The following PSD3 variants were observed in gnomAD, a reference collection of about 807,000 sequenced individuals.
PSD3 encodes the protein pleckstrin and Sec7 domain containing 3.
PSD3 carries 49 observed loss-of-function variants against 105.5 expected under a neutral mutation model. The ratio of observed to expected loss-of-function variants is 0.46; its 90% confidence interval spans 0.37 to 0.59. The LOEUF (loss-of-function observed/expected upper bound fraction) is 0.59, where lower values mean the gene tolerates loss of function less well. Ranked by LOEUF, PSD3 falls within the 20% of genes least tolerant of loss-of-function variation. The probability of loss-of-function intolerance (pLI) is 0.00; values close to 1 mark genes in which losing one functional copy is unlikely to be tolerated. For missense variants in PSD3, 1,561 were observed against 1,263.8 expected, an observed-to-expected ratio of 1.24 and a Z score of -3.57; for synonymous variants, 557 against 457.8, an observed-to-expected ratio of 1.22 and a Z score of -2.77.
intron 9 of PSD3, among the ~76,000 whole-genome samples, chr8:18,673,173 T>TA: frequency 6.6e-6 from 1 of 151,734 alleles, no homozygotes; most frequent in South Asian, 2.1e-4. Context: ...AGTGAACATT[T>TA]ATTTGGTTCT....
At chr8:18,616,199 G>C (rs1201254295) in intron 11 of PSD3, among the ~76,000 whole-genome samples, 2 of 152,204 alleles carry the variant, frequency 1.3e-5, no homozygotes, top group Non-Finnish European at 2.9e-5. Context: ...GCTCCACGAT[G>C]GCCTCTTAGC....
intron 8 of PSD3, among the ~76,000 whole-genome samples, chr8:18,788,498 G>A (rs560079611): frequency 6.6e-6 from 1 of 152,278 alleles, no homozygotes; most frequent in South Asian, 2.1e-4. Context: ...GCTGCGAATA[G>A]GGCAGCTGTG....
At chr8:19,053,105 A>C (rs772069127) in intron 1 of PSD3, among the ~76,000 whole-genome samples, 1 of 152,140 alleles carries the variant, frequency 6.6e-6, no homozygotes, top group Non-Finnish European at 1.5e-5. Context: ...AAGGTGACTT[A>C]CTGGGCAGGC....
At chr8:18,673,998 C>T (rs988526113) in intron 9 of PSD3, among the ~76,000 whole-genome samples, 1 of 152,036 alleles carries the variant, frequency 6.6e-6, no homozygotes, top group Non-Finnish European at 1.5e-5. Context: ...AAAAAATGAG[C>T]TGCGCATGGT....
chr8:19,065,625 A>G (rs994955252), intron 1 of PSD3, among the ~76,000 whole-genome samples: 4 of 152,258 alleles, frequency 2.6e-5, no homozygotes, highest in African/African-American at 4.8e-5. Flanking sequence ...CAACCTATAC[A>G]TAGGAAGAGA....
At chr8:18,590,964 T>C (rs1291715527) in intron 12 of PSD3, among the ~76,000 whole-genome samples, 2 of 152,138 alleles carry the variant, frequency 1.3e-5, no homozygotes, top group African/African-American at 2.4e-5. Context: ...TGATTCCACA[T>C]AGATTTAAAC....
chr8:19,002,465 G>C (rs1027221703), intron 1 of PSD3, among the ~76,000 whole-genome samples: 1 of 151,924 alleles, frequency 6.6e-6, no homozygotes, highest in Non-Finnish European at 1.5e-5. Context: ...AGTAGTTCTA[G>C]TATCTACTGA....
intron 1 of PSD3, among the ~76,000 whole-genome samples, chr8:19,067,927 G>T (rs1212469937): frequency 1.3e-5 from 2 of 152,120 alleles, no homozygotes; most frequent in East Asian, 1.9e-4. Context: ...AATTTCCAAC[G>T]TGGGACCCTT....
intron 10 of PSD3, among the ~76,000 whole-genome samples, chr8:18,644,672 G>C (rs1167155238): frequency 1.3e-5 from 2 of 152,144 alleles, no homozygotes; most frequent in Non-Finnish European, 2.9e-5. Context: ...GTTTGCAGCA[G>C]TCTAGGCTTT....
intron 9 of PSD3, among the ~76,000 whole-genome samples, chr8:18,710,814 T>C (rs1219280740): frequency 2.6e-5 from 4 of 152,082 alleles, no homozygotes; most frequent in African/African-American, 7.2e-5. Context: ...CCTGAGTAGC[T>C]GGGATTACAG....
At chr8:18,592,002 A>G (rs1258954693) in intron 12 of PSD3, among the ~76,000 whole-genome samples, 4 of 152,218 alleles carry the variant, frequency 2.6e-5, no homozygotes, top group Non-Finnish European at 5.9e-5. Flanking sequence ...TCAAATGTGC[A>G]GATCCCAATA....
chr8:18,694,406 C>T (rs552786837), intron 9 of PSD3, among the ~76,000 whole-genome samples: 5 of 152,216 alleles, frequency 3.3e-5, no homozygotes, highest in African/African-American at 9.6e-5. Flanking sequence ...GTCAGCAGAT[C>T]GAGACCATCC....
chr8:19,064,961 C>T (rs898367305), intron 1 of PSD3, among the ~76,000 whole-genome samples: 2 of 152,102 alleles, frequency 1.3e-5, no homozygotes, highest in South Asian at 2.1e-4. Flanking sequence ...CAGACCAAAC[C>T]AAAATGGAGT....
At chr8:18,758,052 G>T (rs946966154) in intron 9 of PSD3, among the ~76,000 whole-genome samples, 4 of 151,984 alleles carry the variant, frequency 2.6e-5, no homozygotes, top group Non-Finnish European at 4.4e-5. Flanking sequence ...AAATTCACAG[G>T]CAGTTGTAAG....
At chr8:18,938,648 G>C (rs1488348679) in intron 1 of PSD3, among the ~76,000 whole-genome samples, 1 of 151,104 alleles carries the variant, frequency 6.6e-6, no homozygotes, top group Non-Finnish European at 1.5e-5. Flanking sequence ...AAAAAAAAGA[G>C]GGAAAGGGGA....
chr8:18,793,398 T>C (rs1477649176), intron 8 of PSD3, among the ~76,000 whole-genome samples: 7 of 142,714 alleles, frequency 4.9e-5, no homozygotes, highest in African/African-American at 1.8e-4. Context: ...CAAAACTGGG[T>C]GACGAGATGA....
At chr8:19,010,079 T>C (rs561307905) in intron 1 of PSD3, among the ~76,000 whole-genome samples, 104 of 152,318 alleles carry the variant, frequency 6.8e-4, no homozygotes, top group Non-Finnish European at 1.2e-3. Flanking sequence ...ATGTATAAAT[T>C]ATTCTGATTC....
chr8:18,911,203 A>C (rs997179230), intron 2 of PSD3, among the ~76,000 whole-genome samples: 1 of 152,222 alleles, frequency 6.6e-6, no homozygotes, highest in Non-Finnish European at 1.5e-5. Context: ...CTCTTTCCTC[A>C]AACCACAGGG....
chr8:18,644,378 G>A (rs1585481764), intron 10 of PSD3, among the ~76,000 whole-genome samples: 1 of 152,196 alleles, frequency 6.6e-6, no homozygotes, highest in African/African-American at 2.4e-5. Flanking sequence ...TATTGCACCA[G>A]ATATCTTAGC....
Sources: allele counts gnomAD v4.1 joint callset (sites outside exome capture counted in the v4.1 genomes callset), GRCh38; gene constraint gnomAD v4.1.1; transcripts MANE v1.5; gene names NCBI Gene and HGNC (gene_info 2026-07-23, HGNC 2026-07-21).